Variants in TSHZ2 observed in about 807,000 individuals in gnomAD.
TSHZ2 encodes the protein teashirt homolog 2.
A neutral mutation model predicts 74.4 loss-of-function variants in TSHZ2; 21 were observed. The ratio of observed to expected loss-of-function variants is 0.28; its 90% CI spans 0.20 to 0.41. The LOEUF is 0.41. TSHZ2 is among the 10% of genes least tolerant of loss of function. The pLI is 1.00. For synonymous variants in TSHZ2, 540 were observed against 515.3 expected (o/e 1.05, Z -0.65); for missense variants, 1,244 against 1,293.5 (o/e 0.96, Z 0.59).
At chr20:53,177,589 C>T (rs548444160) in intron 1 of TSHZ2, among the ~76,000 whole-genome samples, 1 of 152,280 alleles carries the variant, frequency 6.6e-6, no homozygotes, top group East Asian at 1.9e-4. Context: ...TCCTTGGCAC[C>T]TTTACCTTCG....
At chr20:53,361,139 G>C (rs1182963118) in intron 2 of TSHZ2, among the ~76,000 whole-genome samples, 1 of 152,196 alleles carries the variant, frequency 6.6e-6, no homozygotes, top group East Asian at 1.9e-4. Flanking sequence ...TGAGGCATCA[G>C]TAAATAAAGA....
chr20:53,011,690 G>T (rs1982856631), intron 1 of TSHZ2, among the ~76,000 whole-genome samples: 1 of 152,172 alleles, frequency 6.6e-6, no homozygotes, highest in African/African-American at 2.4e-5. Context: ...TAAACAGATG[G>T]CTGAATGACC....
intron 1 of TSHZ2, among the ~76,000 whole-genome samples, chr20:53,205,562 T>C (rs555918618): frequency 1.3e-5 from 2 of 152,322 alleles, no homozygotes; most frequent in Non-Finnish European, 2.9e-5. Flanking sequence ...CCTTCTTTTG[T>C]GAATATGCAG....
At chr20:53,231,209 T>A (rs115290553) in intron 1 of TSHZ2, among the ~76,000 whole-genome samples, 120 of 152,270 alleles carry the variant, frequency 7.9e-4, no homozygotes, top group African/African-American at 2.8e-3. Flanking sequence ...AATAAACAGT[T>A]GAGAGGATAT....
chr20:52,980,871 C>T (rs1981539525), intron 1 of TSHZ2, among the ~76,000 whole-genome samples: 1 of 152,030 alleles, frequency 6.6e-6, no homozygotes, highest in Non-Finnish European at 1.5e-5. Context: ...CTGCACAGGG[C>T]TTACTTTAAA....
intron 1 of TSHZ2, among the ~76,000 whole-genome samples, chr20:53,089,616 T>A (rs1293447): frequency 0.93 from 142,028 of 152,280 alleles, 66,327 homozygotes; most frequent in African/African-American, 0.98. Context: ...AACCATTTAA[T>A]CACATAAATA....
chr20:53,095,533 G>A (rs1986012846), intron 1 of TSHZ2, among the ~76,000 whole-genome samples: 1 of 151,464 alleles, frequency 6.6e-6, no homozygotes. Context: ...ATGAATAGGT[G>A]GCAGGGAACA....
intron 2 of TSHZ2, among the ~76,000 whole-genome samples, chr20:53,446,652 T>A (rs6063946): frequency 3.9e-5 from 6 of 152,094 alleles, no homozygotes; most frequent in Non-Finnish European, 8.8e-5. Context: ...CCTCCTTTTT[T>A]ACACCTCCTT....
intron 1 of TSHZ2, among the ~76,000 whole-genome samples, chr20:53,019,510 A>G (rs942724681): frequency 6.6e-6 from 1 of 152,098 alleles, no homozygotes; most frequent in Non-Finnish European, 1.5e-5. Context: ...GAGTGGTATC[A>G]GGGGGTTGGG....
At chr20:53,131,441 C>T (rs546275284) in intron 1 of TSHZ2, among the ~76,000 whole-genome samples, 58 of 152,288 alleles carry the variant, frequency 3.8e-4, no homozygotes, top group African/African-American at 1.3e-3. Context: ...TGCAGAAATA[C>T]CTGCTTTGCA....
intron 1 of TSHZ2, among the ~76,000 whole-genome samples, chr20:53,224,291 T>C (rs1030128647): frequency 6.6e-6 from 1 of 152,114 alleles, no homozygotes; most frequent in African/African-American, 2.4e-5. Context: ...TGTATGGAGA[T>C]GTTACATGAG....
intron 2 of TSHZ2, among the ~76,000 whole-genome samples, chr20:53,302,474 C>T (rs1317751976): frequency 3.9e-5 from 6 of 152,202 alleles, no homozygotes; most frequent in Non-Finnish European, 5.9e-5. Context: ...CTTATCTCAT[C>T]ATCCTGTGGC....
intron 1 of TSHZ2, among the ~76,000 whole-genome samples, chr20:53,081,190 ATTATC>A (rs1555822836): frequency 6.6e-6 from 1 of 151,672 alleles, no homozygotes; most frequent in South Asian, 2.1e-4. Flanking sequence ...TGTTTTTTTT[ATTATC>A]TTATTATTTT....
intron 1 of TSHZ2, among the ~76,000 whole-genome samples, chr20:52,990,847 T>A (rs775835023): frequency 1.5e-4 from 23 of 152,120 alleles, no homozygotes; most frequent in Non-Finnish European, 2.8e-4. Context: ...AAGACCAACA[T>A]CATCCTTATA....
chr20:53,144,531 T>C (rs900903976), intron 1 of TSHZ2, among the ~76,000 whole-genome samples: 4 of 152,372 alleles, frequency 2.6e-5, no homozygotes, highest in East Asian at 1.9e-4. Context: ...CAATGTTTGC[T>C]ATCTGCCAGT....
chr20:53,328,762 C>T (rs1204108138), intron 2 of TSHZ2, among the ~76,000 whole-genome samples: 1 of 152,090 alleles, frequency 6.6e-6, no homozygotes, highest in East Asian at 1.9e-4. Context: ...AAGATATTTG[C>T]TTTATCCTCC....
chr20:53,409,674 A>T (rs1982976699), intron 2 of TSHZ2, among the ~76,000 whole-genome samples: 1 of 152,080 alleles, frequency 6.6e-6, no homozygotes, highest in South Asian at 2.1e-4. Flanking sequence ...TGAAGATGAG[A>T]TGAACGCTTT....
intron 2 of TSHZ2, among the ~76,000 whole-genome samples, chr20:53,269,205 C>A (rs1392206133): frequency 6.6e-6 from 1 of 152,140 alleles, no homozygotes; most frequent in Non-Finnish European, 1.5e-5. Flanking sequence ...CAATTCCCTT[C>A]CCCTCAACCC....
At chr20:53,250,726 G>A (rs1238674635) in intron 1 of TSHZ2, among the ~76,000 whole-genome samples, 1 of 152,036 alleles carries the variant, frequency 6.6e-6, no homozygotes, top group Non-Finnish European at 1.5e-5. Flanking sequence ...TGTATTGTGG[G>A]GGAGGCGTTT....
Sources: allele counts gnomAD v4.1 joint callset (sites outside exome capture counted in the v4.1 genomes callset), GRCh38; gene constraint gnomAD v4.1.1; transcripts MANE v1.5; gene names NCBI Gene and HGNC (gene_info 2026-07-23, HGNC 2026-07-21).